Variants in CFH observed in about 807,000 individuals in gnomAD.
CFH encodes the protein H factor 1 (complement).
A neutral mutation model predicts 147.3 loss-of-function variants in CFH; 53 were observed. The ratio of observed to expected loss-of-function variants is 0.36; its 90% confidence interval spans 0.29 to 0.45. CFH has a LOEUF of 0.45. Ranked by LOEUF, CFH falls within the 20% of genes least tolerant of loss-of-function variation. The pLI is 1.00. For synonymous variants in CFH, 536 were observed against 489.4 expected (o/e 1.10, Z -1.26); for missense variants, 1,380 against 1,498.0 (o/e 0.92, Z 1.30).
intron 9 of CFH, among the ~76,000 whole-genome samples, chr1:196,694,598 T>A (rs1299561520): frequency 6.6e-6 from 1 of 152,220 alleles, no homozygotes; most frequent in Non-Finnish European, 1.5e-5. Context: ...CCACTATGGT[T>A]GAACTAATTT....
chr1:196,653,760 A>C (rs962882133), intron 1 of CFH, among the ~76,000 whole-genome samples: 1 of 152,186 alleles, frequency 6.6e-6, no homozygotes, highest in Admixed American at 6.5e-5. Flanking sequence ...TTTTTCATCA[A>C]TGTGTGTTTA....
intron 1 of CFH, among the ~76,000 whole-genome samples, chr1:196,658,505 G>C (rs1666792757): frequency 6.8e-6 from 1 of 146,254 alleles, no homozygotes; most frequent in Admixed American, 7.0e-5. Context: ...TCCGCCTCCC[G>C]GGTTCACGCC....
At chr1:196,663,469 T>C (rs1217349630) in intron 1 of CFH, among the ~76,000 whole-genome samples, 2 of 152,226 alleles carry the variant, frequency 1.3e-5, no homozygotes, top group African/African-American at 4.8e-5. Flanking sequence ...ATATCATTAG[T>C]CAAACTTTTC....
intron 6 of CFH, among the ~76,000 whole-genome samples, chr1:196,680,052 A>T (rs1450366728): frequency 6.6e-6 from 1 of 151,936 alleles, no homozygotes; most frequent in East Asian, 1.9e-4. Context: ...ATCAAAAACC[A>T]TGTCTGGATC....
At chr1:196,740,191 C>T (rs535312078) in intron 17 of CFH, among the ~76,000 whole-genome samples, 30 of 152,338 alleles carry the variant, frequency 2.0e-4, no homozygotes, top group African/African-American at 7.0e-4. Context: ...GGTGGGGACA[C>T]AGCTAAACCT....
intron 4 of CFH, among the ~76,000 whole-genome samples, chr1:196,676,346 G>T (rs192506373): frequency 6.6e-6 from 1 of 151,768 alleles, no homozygotes; most frequent in East Asian, 1.9e-4. Flanking sequence ...GACTAGAAAC[G>T]CATATAAGCA....
In CFH at chr1:196,689,386, T is replaced by G. The variant is rs1264268582; in HGVS notation, c.965-34T>G. 3.2e-6 allele frequency: 5 copies of G among 1,570,402 alleles called. No homozygotes were observed. The African/African-American group carries it at 4.1e-5, about 13-fold the overall frequency. ...ATATGAGTGTTTATTACAGTAAAATTTCTTTATACTTTTTTTAAAATTTTT... is the reference window on the plus strand; with the variant it reads ...ATATGAGTGTTTATTACAGTAAAATGTCTTTATACTTTTTTTAAAATTTTT... On this transcript the variant is annotated intron_variant, in intron 7 of 21. Coordinates refer to ENST00000367429, the MANE Select transcript of CFH (RefSeq NM_000186.4).
chr1:196,657,026 G>A (rs1666724543), intron 1 of CFH, among the ~76,000 whole-genome samples: 1 of 151,968 alleles, frequency 6.6e-6, no homozygotes, highest in Admixed American at 6.6e-5. Flanking sequence ...GCCTGAGGCT[G>A]GAGTGCCCAC....
intron 10 of CFH, among the ~76,000 whole-genome samples, chr1:196,714,654 TATATATATATATATAGAGAGAG>T (rs1558173338): frequency 2.0e-5 from 1 of 50,040 alleles, no homozygotes; most frequent in Non-Finnish European, 3.9e-5. Flanking sequence ...TATATATATA[TATATATATATATATAGAGAGAG>T]AGAGAGAGAG....
At chr1:196,659,206 T>C (rs980832738) in intron 1 of CFH, among the ~76,000 whole-genome samples, 4 of 152,244 alleles carry the variant, frequency 2.6e-5, no homozygotes, top group Non-Finnish European at 2.9e-5. Context: ...TGTTGTCTAC[T>C]TGAAGGTGGT....
At chr1:196,720,249 G>A (rs1159634388) in intron 11 of CFH, among the ~76,000 whole-genome samples, 2 of 151,840 alleles carry the variant, frequency 1.3e-5, no homozygotes, top group African/African-American at 4.8e-5. Flanking sequence ...TTTCCATGGT[G>A]TTTTATGATG....
chr1:196,730,680 T>C (rs1289905760), intron 15 of CFH, among the ~76,000 whole-genome samples: 1 of 151,828 alleles, frequency 6.6e-6, no homozygotes, highest in Non-Finnish European at 1.5e-5. Flanking sequence ...AAAATATTGA[T>C]ATCCCCTACT....
intron 7 of CFH, 86 bp from the exon 8 acceptor site, chr1:196,689,334 T>C: frequency 8.1e-7 from 1 of 1,227,138 alleles, no homozygotes. Context: ...GAAGAGAATA[T>C]AATTCAGTGA....
At chr1:196,726,734 T>TA (rs756277550) in intron 13 of CFH, 27 bp from the exon 14 acceptor site, 1 of 1,612,132 alleles carries the variant, frequency 6.2e-7, no homozygotes, top group Non-Finnish European at 8.5e-7. Context: ...GTTTTCACAA[T>TA]AAACTTTTTT....
At chr1:196,682,102 A>T (rs1489455653) in intron 6 of CFH, among the ~76,000 whole-genome samples, 1 of 151,786 alleles carries the variant, frequency 6.6e-6, no homozygotes, top group African/African-American at 2.4e-5. Context: ...AATTGTCAAA[A>T]CTTTGGTCTC....
chr1:196,712,415 A>G (rs1351395352), intron 9 of CFH, among the ~76,000 whole-genome samples: 1 of 151,402 alleles, frequency 6.6e-6, no homozygotes, highest in Non-Finnish European at 1.5e-5. Context: ...TTATAGCTAT[A>G]TAATGATAAA....
chr1:196,725,233 AG>A lies in CFH; in HGVS notation c.1810del (p.Val604LeufsTer61). On this transcript the variant is annotated frameshift_variant, in exon 12 of 22. Transcript: ENST00000367429. LOFTEE classifies it high-confidence loss of function. ...TCTCCTGCAAACCAGGATTTACAAT[AG>A]TTGGACCTAATTCCGTTCAGTGCTA... ...KFSCKPGFTI[V>X]GPNSVQCYHF... The A allele has an allele frequency of 6.2e-7, 1 of 1,614,012 alleles. No individual in the cohort carries two copies. The highest frequency in any genetic ancestry group is 1.1e-5 in the South Asian group (1 of 91,080).
In CFH at chr1:196,726,779, G is replaced by A; in HGVS notation, c.2075G>A (p.Gly692Glu). 6.2e-7 allele frequency: 1 copy of A among 1,613,722 alleles called. No individual in the cohort carries two copies. The highest frequency in any genetic ancestry group is 1.1e-5 in the South Asian group (1 of 91,070). ...TACATAGTGGAGGAGAGTACCTGTG[G>A]AGATATACCTGAACTTGAACATGGC... ...PVCIVEESTC[G>E]DIPELEHGWA... The change falls in exon 14 of 22, where the codon GGA becomes GAA. Residue 692 changes from glycine to glutamate, a missense_variant. By Grantham distance (98) the Gly-to-Glu change is moderately conservative (BLOSUM62 -2). Around this residue, in one of 4 missense-constraint regions of CFH, gnomAD observed 830 missense variants for 821.4 expected, o/e 1.01. Transcript: ENST00000367429.
intron 1 of CFH, among the ~76,000 whole-genome samples, chr1:196,662,206 T>A (rs1336852312): frequency 1.3e-5 from 2 of 152,242 alleles, no homozygotes; most frequent in Admixed American, 6.5e-5. Flanking sequence ...TTTGACTCAA[T>A]AACTGGGAAT....
Sources: gnomAD v4.1 joint callset for allele counts (sites outside exome capture counted in the v4.1 genomes callset) on GRCh38, gnomAD v4.1.1 for gene constraint, gnomAD v4.1.1 regional missense constraint, MANE v1.5 for transcripts, NCBI Gene and HGNC (gene_info 2026-07-23, HGNC 2026-07-21) for gene names.